The following NRP2 variants were observed in gnomAD, a reference collection of about 807,000 sequenced individuals.
The protein encoded by NRP2 is neuropilin 2.
In NRP2, 52 loss-of-function variants were observed where a neutral mutation model predicts 110.4. That is an observed-to-expected ratio of 0.47 (90% CI 0.38 to 0.59). NRP2 has a LOEUF of 0.59. Ranked by LOEUF, NRP2 falls within the 20% of genes least tolerant of loss-of-function variation. NRP2 has a pLI of 0.00. For missense variants in NRP2, 1,049 were observed against 1,203.0 expected (o/e 0.87, Z 1.89); for synonymous variants, 508 against 468.9 (o/e 1.08, Z -1.08).
chr2:205,782,750 G>A (rs888160626), intron 15 of NRP2, among the ~76,000 whole-genome samples: 1 of 152,042 alleles, frequency 6.6e-6, no homozygotes, highest in Non-Finnish European at 1.5e-5. Context: ...ACATACTAAT[G>A]CATCTACCCC....
Position 205,745,820 on chromosome 2 carries a change from G to A in NRP2, c.1716G>A (p.Arg572=), listed in dbSNP as rs1161228711. Residue 572 remains arginine (R), a synonymous_variant, in exon 10 of 17, where the codon CGG becomes CGA. Transcript: ENST00000357785. ...ACCCCATTCCGGCACAGTATGTGCG[G>A]GTATACCCGGAGAGGTGGTCGCCGG... ...RFDPIPAQYV[R]VYPERWSPAG... is the part of the protein sequence containing the mutation. 9.3e-6 allele frequency: 15 copies of A among 1,614,222 alleles called. No homozygotes were observed. Among genetic ancestry groups the A allele is most frequent in the Non-Finnish European group, 1.3e-5 (15 of 1,180,034 alleles).
chr2:205,796,874 C>A lies in NRP2; in HGVS notation c.*1816C>A, dbSNP rs193070097. On this transcript the variant is annotated 3_prime_UTR_variant, in exon 17 of 17. Coordinates refer to ENST00000357785, the MANE Select transcript of NRP2 (RefSeq NM_003872.3). ...CCATTTTTGCTGCTGTGGTCACCCA[C>A]GATTTCATTTGTCTTATACCCAGGT... 6.6e-6 allele frequency: 1 copy of A among 152,630 alleles called. No homozygotes were observed. 9.5% of individuals were successfully genotyped at this position (152,630 alleles called of 1,614,324 possible).
At chr2:205,715,778 CATCTT>C (rs2056883153) in intron 2 of NRP2, among the ~76,000 whole-genome samples, 1 of 152,068 alleles carries the variant, frequency 6.6e-6, no homozygotes, top group Non-Finnish European at 1.5e-5. Flanking sequence ...TTTTTATCCT[CATCTT>C]ACAGATGAAG....
At chr2:205,709,546 C>T (rs992163926) in intron 2 of NRP2, among the ~76,000 whole-genome samples, 4 of 152,216 alleles carry the variant, frequency 2.6e-5, no homozygotes, top group African/African-American at 4.8e-5. Flanking sequence ...TCTGTAATCA[C>T]ACCATGAGCA....
intron 3 of NRP2, among the ~76,000 whole-genome samples, chr2:205,721,758 T>G (rs1351114668): frequency 6.6e-6 from 1 of 152,222 alleles, no homozygotes; most frequent in South Asian, 2.1e-4. Context: ...CAAATGTCAA[T>G]GCACTGCTGC....
chr2:205,696,149 C>G (rs754372933), intron 1 of NRP2, among the ~76,000 whole-genome samples: 5 of 152,236 alleles, frequency 3.3e-5, no homozygotes, highest in Non-Finnish European at 7.3e-5. Flanking sequence ...GTCCCAACCA[C>G]CCGTGTGCAG....
intron 2 of NRP2, among the ~76,000 whole-genome samples, chr2:205,702,290 T>TTGGGAAGTTTGAGTTCTGGGACCTAAGC (rs1223209460): frequency 6.6e-6 from 1 of 152,246 alleles, no homozygotes; most frequent in Non-Finnish European, 1.5e-5. Context: ...TTGCTGTCTC[T>TTGGGAAGTTTGAGTTCTGGGACCTAAGC]TGGGAAGTTT....
intron 2 of NRP2, among the ~76,000 whole-genome samples, chr2:205,713,824 A>T (rs1434185574): frequency 6.6e-6 from 1 of 152,154 alleles, no homozygotes; most frequent in East Asian, 1.9e-4. Context: ...AAATATATGC[A>T]CAAAGATGCA....
intron 11 of NRP2, among the ~76,000 whole-genome samples, chr2:205,751,703 G>C (rs2057649314): frequency 6.6e-6 from 1 of 152,164 alleles, no homozygotes; most frequent in African/African-American, 2.4e-5. Context: ...CCCCTAGGGT[G>C]AGTAATTTGT....
At chr2:205,764,729 G>A (rs955558568) in intron 13 of NRP2, among the ~76,000 whole-genome samples, 1 of 152,222 alleles carries the variant, frequency 6.6e-6, no homozygotes. Context: ...AGGGGCTTCT[G>A]TGTACAGCCT....
chr2:205,728,254 C>T (rs551493540), intron 7 of NRP2, among the ~76,000 whole-genome samples: 280 of 152,332 alleles, frequency 1.8e-3, no homozygotes, highest in Non-Finnish European at 3.3e-3. Flanking sequence ...CAGCCAGTTG[C>T]TGTTGCATCT....
chr2:205,714,130 G>A (rs2056848928), intron 2 of NRP2, among the ~76,000 whole-genome samples: 1 of 152,162 alleles, frequency 6.6e-6, no homozygotes, highest in Admixed American at 6.5e-5. Flanking sequence ...CCAGACTATG[G>A]ACTAACACTT....
intron 2 of NRP2, among the ~76,000 whole-genome samples, chr2:205,712,010 G>A (rs993879697): frequency 3.9e-5 from 6 of 152,160 alleles, no homozygotes; most frequent in South Asian, 2.1e-4. Context: ...TATCTCTCCC[G>A]TGGACTCTTA....
chr2:205,760,511 C>G (rs2057803446), intron 12 of NRP2, among the ~76,000 whole-genome samples: 1 of 152,210 alleles, frequency 6.6e-6, no homozygotes, highest in Non-Finnish European at 1.5e-5. Flanking sequence ...GATCCTTCAG[C>G]TGCTTGTGCT....
At position 205,796,501 on chromosome 2, in the gene NRP2, TGAA is replaced by T. The variant is rs2058353407; in HGVS notation, c.*1447_*1449del. ...GTTTTTATTAAGTGCCTTGAAAAAA[TGAA>T]GAAAAATGTATTTTCCCTTTATGTA... On this transcript the variant is annotated 3_prime_UTR_variant, in exon 17 of 17. Transcript: ENST00000357785. 6.6e-6 allele frequency: 1 copy of T among 152,602 alleles called. No homozygotes were observed. Among genetic ancestry groups the T allele is most frequent in the South Asian group, 2.1e-4 (1 of 4,812 alleles). The allele number at this position is 152,602 out of a possible 1,614,324, so 9.5% of individuals were successfully genotyped here.
intron 2 of NRP2, among the ~76,000 whole-genome samples, chr2:205,708,370 G>A (rs917062342): frequency 2.0e-5 from 3 of 152,220 alleles, no homozygotes; most frequent in East Asian, 1.9e-4. Context: ...GTGACCACAC[G>A]GCCTCAGGAA....
At position 205,720,526 on chromosome 2, in the gene NRP2, G is replaced by C. The variant is rs186928984; in HGVS notation, c.434-1952G>C. 1.7e-3 allele frequency among the ~76,000 whole-genome samples: 256 copies of C among 152,274 alleles called. 3 individuals carry two copies. Among genetic ancestry groups the C allele is most frequent in the Non-Finnish European group, 5.4e-4 (37 of 68,010 alleles). ...TTCTAAGGGAATGACAATAGAGCAAGCTCTAAGAGGGCATGTCAGGATGCT... is the reference window on the plus strand; with the variant it reads ...TTCTAAGGGAATGACAATAGAGCAACCTCTAAGAGGGCATGTCAGGATGCT... On this transcript the variant is annotated intron_variant, in intron 3 of 16. Transcript: ENST00000357785.
intron 2 of NRP2, among the ~76,000 whole-genome samples, chr2:205,699,762 C>T (rs542850178): frequency 3.3e-5 from 5 of 152,256 alleles, no homozygotes; most frequent in African/African-American, 4.8e-5. Context: ...TTATCATCCT[C>T]GCTAAATCAC....
intron 15 of NRP2, chr2:205,776,970 C>G: frequency 9.1e-7 from 1 of 1,104,562 alleles, no homozygotes; most frequent in Non-Finnish European, 1.1e-6. Flanking sequence ...GAATAGCTCT[C>G]TGTGTGTGGG....
Sources: allele counts gnomAD v4.1 joint callset (sites outside exome capture counted in the v4.1 genomes callset), GRCh38; gene constraint gnomAD v4.1.1; transcripts MANE v1.5; gene names NCBI Gene and HGNC (gene_info 2026-07-23, HGNC 2026-07-21).